The following RAB38 variants were observed in gnomAD, a reference collection of about 807,000 sequenced individuals.
The protein encoded by RAB38 is ras-related protein Rab-38.
A neutral mutation model predicts 18.4 loss-of-function variants in RAB38; 15 were observed. The observed-to-expected ratio is 0.82, with a 90% CI of 0.55 to 1.26. The LOEUF (loss-of-function observed/expected upper bound fraction) is 1.26. Ranked by LOEUF, RAB38 falls within the 50% of genes most tolerant of loss-of-function variation. The pLI, the probability that RAB38 is intolerant of heterozygous loss-of-function variation, is 0.00. For missense variants in RAB38, 294 were observed against 267.4 expected (o/e 1.10, Z -0.69); for synonymous variants, 101 against 104.4 (o/e 0.97, Z 0.20).
At chr11:88,172,884 A>C (rs1412904420) in intron 1 of RAB38, among the ~76,000 whole-genome samples, 1 of 152,244 alleles carries the variant, frequency 6.6e-6, no homozygotes, top group Non-Finnish European at 1.5e-5. Flanking sequence ...TTTGGGCTTA[A>C]GGCTGCTAAA....
chr11:87,896,027 T>A, the RAB38 span, among the ~76,000 whole-genome samples: 124 of 151,844 alleles, frequency 8.2e-4, no homozygotes, highest in African/African-American at 3.0e-3. Context: ...GAGATGCTCT[T>A]TAAAATGTTA....
the RAB38 span, among the ~76,000 whole-genome samples, chr11:87,931,225 A>G: frequency 6.6e-6 from 1 of 152,084 alleles, no homozygotes; most frequent in Admixed American, 6.6e-5. Flanking sequence ...TTTGGATAAT[A>G]AACTCAAGAT....
At chr11:88,132,042 A>C (rs1942772489) in intron 2 of RAB38, among the ~76,000 whole-genome samples, 1 of 152,232 alleles carries the variant, frequency 6.6e-6, no homozygotes, top group Admixed American at 6.5e-5. Flanking sequence ...TGAGCATAGA[A>C]GAGGATCCCA....
chr11:88,098,496 CT>C, the RAB38 span: 1 of 152,122 alleles, frequency 6.6e-6, no homozygotes, highest in Non-Finnish European at 1.5e-5. Context: ...AGCCAATATT[CT>C]GTATCTTAGC....
At chr11:88,017,523 TTTC>T in the RAB38 span, among the ~76,000 whole-genome samples, 1 of 151,446 alleles carries the variant, frequency 6.6e-6, no homozygotes, top group African/African-American at 2.4e-5. Flanking sequence ...CTCTAGTTCT[TTTC>T]TTATTATGCT....
At chr11:88,039,642 G>C in the RAB38 span, among the ~76,000 whole-genome samples, 2 of 152,168 alleles carry the variant, frequency 1.3e-5, no homozygotes, top group Non-Finnish European at 2.9e-5. Flanking sequence ...GACTGAAGGG[G>C]AGTCTACCAA....
the RAB38 span, among the ~76,000 whole-genome samples, chr11:88,029,163 A>G: frequency 0.022 from 3,385 of 152,204 alleles, 121 homozygotes; most frequent in African/African-American, 0.078. Flanking sequence ...AAAATACTTT[A>G]CAGACAAGCA....
the RAB38 span, among the ~76,000 whole-genome samples, chr11:88,103,898 A>G: frequency 6.6e-6 from 1 of 152,094 alleles, no homozygotes; most frequent in Admixed American, 6.6e-5. Flanking sequence ...CTGCCAGAAG[A>G]CAAGTGTCCT....
chr11:87,842,767 CGCACACATACACACATGCATGCGCAT>C, the RAB38 span, among the ~76,000 whole-genome samples: 1 of 151,966 alleles, frequency 6.6e-6, no homozygotes, highest in Non-Finnish European at 1.5e-5. Flanking sequence ...CCACCCCATG[CGCACACATACACACATGCATGCGCAT>C]GCACACACAC....
At chr11:87,976,528 AT>A in the RAB38 span, among the ~76,000 whole-genome samples, 125,995 of 126,174 alleles carry the variant, frequency 1, 62,908 homozygotes, top group Middle Eastern at 1. Context: ...TTTTATATAT[AT>A]TTTTTACATT....
the RAB38 span, among the ~76,000 whole-genome samples, chr11:88,019,374 C>T: frequency 6.6e-6 from 1 of 152,056 alleles, no homozygotes; most frequent in Non-Finnish European, 1.5e-5. Context: ...CTGTGAAATA[C>T]ACCCAGAGTC....
chr11:87,829,036 T>C, the RAB38 span, among the ~76,000 whole-genome samples: 1 of 152,218 alleles, frequency 6.6e-6, no homozygotes, highest in Non-Finnish European at 1.5e-5. Context: ...CTGACAAATA[T>C]CCTCTCTTTT....
chr11:87,938,944 C>T, the RAB38 span, among the ~76,000 whole-genome samples: 15 of 152,072 alleles, frequency 9.9e-5, no homozygotes, highest in South Asian at 2.1e-4. Context: ...TGTACTTCTA[C>T]ACCATGCTCC....
At chr11:87,947,569 A>G in the RAB38 span, among the ~76,000 whole-genome samples, 28,710 of 150,900 alleles carry the variant, frequency 0.19, 2,973 homozygotes, top group South Asian at 0.36. Flanking sequence ...TTTTGTATAA[A>G]GTGTAAGGAA....
chr11:87,947,681 C>G, the RAB38 span, among the ~76,000 whole-genome samples: 2 of 152,106 alleles, frequency 1.3e-5, no homozygotes, highest in Non-Finnish European at 2.9e-5. Flanking sequence ...TCACGTTTGT[C>G]AAAGATCAGA....
the RAB38 span, among the ~76,000 whole-genome samples, chr11:88,015,957 TC>T: frequency 6.6e-6 from 1 of 152,120 alleles, no homozygotes; most frequent in African/African-American, 2.4e-5. Flanking sequence ...CAGCCATCCT[TC>T]CACCATATCC....
chr11:88,107,763 T>C, the RAB38 span, among the ~76,000 whole-genome samples: 1 of 152,214 alleles, frequency 6.6e-6, no homozygotes, highest in African/African-American at 2.4e-5. Context: ...TTTAGTGCTA[T>C]AAATTTCCCT....
chr11:88,169,629 T>C (rs1182207457), intron 1 of RAB38, among the ~76,000 whole-genome samples: 2 of 152,216 alleles, frequency 1.3e-5, no homozygotes, highest in Non-Finnish European at 2.9e-5. Flanking sequence ...GAGGGCCAGA[T>C]GATGAAATTC....
At chr11:87,874,120 C>A in the RAB38 span, among the ~76,000 whole-genome samples, 1 of 150,976 alleles carries the variant, frequency 6.6e-6, no homozygotes, top group Non-Finnish European at 1.5e-5. Flanking sequence ...TTAAATGAAT[C>A]TTTCCCTACT....
Sources: gnomAD v4.1 joint callset for allele counts (sites outside exome capture counted in the v4.1 genomes callset) on GRCh38, gnomAD v4.1.1 for gene constraint, MANE v1.5 for transcripts, NCBI Gene and HGNC (gene_info 2026-07-23, HGNC 2026-07-21) for gene names.